RUNX3: variants seen among roughly 807,000 people sequenced by gnomAD.
RUNX3 encodes RUNX family transcription factor 3, also known as runt-related transcription factor 3.
Under a neutral mutation model 27.7 loss-of-function variants are expected in RUNX3, and 10 were observed. That is an observed-to-expected ratio of 0.36 (90% CI 0.22 to 0.61). RUNX3 has a LOEUF of 0.61. RUNX3 is among the 20% of genes least tolerant of loss of function. The pLI, the probability that RUNX3 is intolerant of heterozygous loss-of-function variation, is 0.72. For synonymous variants in RUNX3, 270 were observed against 269.2 expected (o/e 1.00, Z -0.03); for missense variants, 469 against 629.5 (o/e 0.75, Z 2.73).
At chr1:24,921,460 G>A (rs953106096) in intron 2 of RUNX3, among the ~76,000 whole-genome samples, 7 of 152,216 alleles carry the variant, frequency 4.6e-5, no homozygotes, top group African/African-American at 1.2e-4. Flanking sequence ...GTCGGCTGAG[G>A]CAGGGATAGA....
In RUNX3 at chr1:24,900,327, C is replaced by T. The variant is rs928256032; in HGVS notation, c.*1795G>A. 6 of 152,432 alleles carry T rather than the reference C, an allele frequency of 3.9e-5. No individual in the cohort carries two copies. Among genetic ancestry groups the T allele is most frequent in the African/African-American group, 7.2e-5 (3 of 41,550 alleles). 9.4% of individuals were successfully genotyped at this position (152,432 alleles called of 1,614,324 possible). ...TGTGTCTCTGGTGTATGGTTCTGGC[C>T]GTTGTGACAGGTTGGGTGGGGACAG... is the stretch of plus-strand genomic sequence containing the variant. On this transcript the variant is annotated 3_prime_UTR_variant, in exon 5 of 5. Coordinates refer to ENST00000308873, the MANE Select transcript of RUNX3 (RefSeq NM_004350.3).
intron 2 of RUNX3, among the ~76,000 whole-genome samples, chr1:24,952,323 A>G (rs1379778834): frequency 1.3e-5 from 2 of 152,182 alleles, no homozygotes; most frequent in Admixed American, 6.5e-5. Flanking sequence ...TTCCAGATGC[A>G]TCATCTCACC....
At chr1:24,922,603 G>A (rs567612321) in intron 2 of RUNX3, among the ~76,000 whole-genome samples, 1 of 152,130 alleles carries the variant, frequency 6.6e-6, no homozygotes, top group East Asian at 1.9e-4. Flanking sequence ...CCCAATGCTA[G>A]ATCTTATTTA....
rs189344683 is a variant in RUNX3, at chr1:24,947,283, C to T, written c.58+17231G>A. On this transcript the variant is annotated intron_variant, in intron 2 of 6. Transcript: ENST00000338888. ...ATGGGGCAAAGTCCCAGCACTACCC[C>T]GAAACAAGGACAAGCTTTGGCCTAG... 8.2e-4 allele frequency among the ~76,000 whole-genome samples: 125 copies of T among 152,284 alleles called. 1 individual carries two copies. Among genetic ancestry groups the T allele is most frequent in the African/African-American group, 3.0e-3 (123 of 41,546 alleles).
At chr1:24,958,149 C>T (rs1166541576) in intron 2 of RUNX3, among the ~76,000 whole-genome samples, 1 of 152,206 alleles carries the variant, frequency 6.6e-6, no homozygotes, top group Non-Finnish European at 1.5e-5. Flanking sequence ...TCCCTGTGTA[C>T]CAGGTGCCAC....
At chr1:24,964,932 T>G (rs1038935162) in exon 1 of RUNX3, 3 of 279,438 alleles carry the variant, frequency 1.1e-5, no homozygotes, top group South Asian at 3.9e-5. Flanking sequence ...GGAAGGGGCT[T>G]TCGGCAGCCA....
chr1:24,954,529 C>T (rs1641863146), intron 2 of RUNX3, among the ~76,000 whole-genome samples: 1 of 152,310 alleles, frequency 6.6e-6, no homozygotes, highest in Admixed American at 6.5e-5. Context: ...GTTTCGTGTT[C>T]TGTGGTCGCT....
At chr1:24,930,558 C>T (rs1641204256), upstream of RUNX3, among the ~76,000 whole-genome samples, 1 of 152,114 alleles carries the variant, frequency 6.6e-6, no homozygotes. This position sits in a 1 kb window ranked among gnomAD's most constrained non-coding sequence, Gnocchi z 4.1. Context: ...CCACGGAAGG[C>T]GCCCTTGCCG....
intron 2 of RUNX3, among the ~76,000 whole-genome samples, chr1:24,950,207 G>A (rs144952075): frequency 1.3e-5 from 2 of 152,202 alleles, no homozygotes; most frequent in East Asian, 3.8e-4. Flanking sequence ...CTCAACCCAC[G>A]GTGGTGTTTT....
intron 3 of RUNX3, among the ~76,000 whole-genome samples, chr1:24,915,094 G>A (rs1201987642): frequency 6.6e-6 from 1 of 152,216 alleles, no homozygotes; most frequent in Non-Finnish European, 1.5e-5. Flanking sequence ...CCAGGGCCTG[G>A]CAAACCAGAG....
intron 2 of RUNX3, among the ~76,000 whole-genome samples, chr1:24,945,977 C>G (rs1641596316): frequency 6.6e-6 from 1 of 152,148 alleles, no homozygotes; most frequent in South Asian, 2.1e-4. Flanking sequence ...GAGATGGGCC[C>G]CTTTCAGCTC....
chr1:24,908,852 C>T (rs1640741900), intron 3 of RUNX3, among the ~76,000 whole-genome samples: 1 of 152,166 alleles, frequency 6.6e-6, no homozygotes, highest in African/African-American at 2.4e-5. Flanking sequence ...TTTTCCAGCC[C>T]TAAGTCACTC....
rs1640504457 is a variant in RUNX3 at position 24,899,963 on chromosome 1, G to A, written c.*2159C>T. 1 of 152,438 alleles carries A rather than the reference G, an allele frequency of 6.6e-6. No individual in the cohort carries two copies. The highest frequency in any genetic ancestry group is 1.5e-5 in the Non-Finnish European group (1 of 68,138). 9.4% of individuals were successfully genotyped at this position (152,438 alleles called of 1,614,324 possible). The stretch of plus-strand genomic sequence containing the variant: ...CACTTTTTGTCAGGGGATGGGGGAT[G>A]GGGTAGGAAGAGCAATTTATTTACT... On this transcript the variant is annotated 3_prime_UTR_variant, in exon 5 of 5. Transcript: ENST00000308873.
intron 2 of RUNX3, among the ~76,000 whole-genome samples, chr1:24,952,852 C>A (rs1641801884): frequency 6.6e-6 from 1 of 152,320 alleles, no homozygotes; most frequent in African/African-American, 2.4e-5. Context: ...GATTCTAAAC[C>A]CCACATTCGT....
chr1:24,923,173 C>T lies in RUNX3; in HGVS notation c.440-3829G>A, dbSNP rs1267499872. Among the ~76,000 whole-genome samples the T allele has an allele frequency of 1.3e-5, 2 of 152,174 alleles. No homozygotes were observed. The highest frequency in any genetic ancestry group is 2.1e-4 in the South Asian group (1 of 4,834). ...GCCACCCCTGAGGTCACCAGCACTC[C>T]TCGGCCGCTTCCACCAGCTTCCACG... On this transcript the variant is annotated intron_variant, in intron 2 of 4. Coordinates refer to ENST00000308873, the MANE Select transcript of RUNX3 (RefSeq NM_004350.3). This position sits in a 1 kb window ranked among gnomAD's most constrained non-coding sequence, Gnocchi z 5.9.
intron 1 of RUNX3, chr1:24,928,909 G>A: frequency 2.6e-6 from 1 of 390,650 alleles, no homozygotes; most frequent in Non-Finnish European, 5.0e-6. Flanking sequence ...AAACCGAGGC[G>A]TTTTCGTTTC....
Position 24,907,668 on chromosome 1 carries a change from TGATCTAAACCTCTACAACACGC to T in RUNX3, c.545-273_545-252del, listed in dbSNP as rs1480552295. 4.6e-5 allele frequency among the ~76,000 whole-genome samples: 7 copies of T among 152,232 alleles called. No individual in the cohort carries two copies. The South Asian group carries it at 1.2e-3, about 27-fold the overall frequency. ...TGATCCAAACCTCTACAACACGCGG[TGATCTAAACCTCTACAACACGC>T]GGTGATCTAAACCTCTACAACACGC... is the stretch of plus-strand genomic sequence containing the variant. On this transcript the variant is annotated intron_variant, in intron 3 of 4. Transcript: ENST00000308873.
chr1:24,959,700 C>T (rs557425211), intron 2 of RUNX3, among the ~76,000 whole-genome samples: 6 of 152,294 alleles, frequency 3.9e-5, no homozygotes, highest in African/African-American at 1.4e-4. Flanking sequence ...TCCTCCCTGT[C>T]CGGTGACCTC....
At chr1:24,944,471 C>T (rs913697820) in intron 2 of RUNX3, among the ~76,000 whole-genome samples, 1 of 152,220 alleles carries the variant, frequency 6.6e-6, no homozygotes, top group Non-Finnish European at 1.5e-5. Context: ...GAGATGTCCA[C>T]ATCCTAATCC....
Sources: allele counts gnomAD v4.1 joint callset (sites outside exome capture counted in the v4.1 genomes callset), GRCh38; gene constraint gnomAD v4.1.1; non-coding constraint Gnocchi (gnomAD v3.1); transcripts MANE v1.5; gene names NCBI Gene and HGNC (gene_info 2026-07-23, HGNC 2026-07-21).